KLHL22: variants seen among roughly 807,000 people sequenced by gnomAD.
The protein encoded by KLHL22 is kelch like family member 22.
A neutral mutation model predicts 60.7 loss-of-function variants in KLHL22; 18 were observed. The observed-to-expected ratio is 0.30, with a 90% CI of 0.20 to 0.44. The LOEUF is 0.44. Ranked by LOEUF, KLHL22 falls within the 20% of genes least tolerant of loss-of-function variation. The pLI, the probability that KLHL22 is intolerant of heterozygous loss-of-function variation, is 1.00. For missense variants in KLHL22, 596 were observed against 852.3 expected, an observed-to-expected ratio of 0.70 and a Z score of 3.74; for synonymous variants, 355 against 354.5, an observed-to-expected ratio of 1.00 and a Z score of -0.01.
At chr22:20,480,419 A>G (rs571531275) in intron 2 of KLHL22, among the ~76,000 whole-genome samples, 96 of 152,342 alleles carry the variant, frequency 6.3e-4, no homozygotes, top group African/African-American at 2.2e-3. Context: ...GGACATCGAC[A>G]GCACGGAACA....
chr22:20,489,702 C>T (rs1455723764), intron 1 of KLHL22: 2 of 471,158 alleles, frequency 4.2e-6, no homozygotes, highest in Non-Finnish European at 8.8e-6. Flanking sequence ...AGCTCTTCCT[C>T]CCTCCCATTG....
intron 5 of KLHL22, chr22:20,450,570 A>G: frequency 6.2e-7 from 1 of 1,611,914 alleles, no homozygotes; most frequent in Non-Finnish European, 8.5e-7. Context: ...TTGACCTGAC[A>G]CAAGCAGCTG....
At chr22:20,461,043 C>T (rs1034167781) in intron 4 of KLHL22, among the ~76,000 whole-genome samples, 2 of 152,178 alleles carry the variant, frequency 1.3e-5, no homozygotes, top group Non-Finnish European at 2.9e-5. Context: ...AGGACCTTAC[C>T]GGGACTAAAC....
chr22:20,470,396 T>A (rs1169656760), intron 3 of KLHL22, among the ~76,000 whole-genome samples: 1 of 149,556 alleles, frequency 6.7e-6, no homozygotes, highest in Non-Finnish European at 1.5e-5. Context: ...ACACCTGTAA[T>A]CGCAACACTT....
At position 20,442,201 on chromosome 22, in the gene KLHL22, G is replaced by C; in HGVS notation, c.1777C>G (p.Leu593Val). 2.5e-6 allele frequency: 4 copies of C among 1,597,516 alleles called. No homozygotes were observed. Among genetic ancestry groups the C allele is most frequent in the Non-Finnish European group, 3.4e-6 (4 of 1,170,526 alleles). The change falls in exon 7 of 7, where the codon CTG becomes GTG. Residue 593 changes from leucine (L) to valine (V), a missense_variant. By Grantham distance (32) the Leu-to-Val change is conservative. Transcript: ENST00000328879. Reference protein sequence around the residue: ...ISGLAACVLTLPRSLLLEPPR... With the variant: ...ISGLAACVLTVPRSLLLEPPR... ...GGCTCAAGGAGCAGGGAGCGGGGCAGGGTGAGCACACAGGCCGCCAGGCCT... is the reference window on the plus strand; with the variant it reads ...GGCTCAAGGAGCAGGGAGCGGGGCACGGTGAGCACACAGGCCGCCAGGCCT...
At chr22:20,478,220 T>TC (rs1235825233) in intron 2 of KLHL22, among the ~76,000 whole-genome samples, 2 of 148,662 alleles carry the variant, frequency 1.3e-5, no homozygotes, top group African/African-American at 4.9e-5. Context: ...TTTTTTTTTT[T>TC]CTGAGGCAGA....
At chr22:20,464,386 T>C (rs959572353) in intron 4 of KLHL22, among the ~76,000 whole-genome samples, 5 of 152,082 alleles carry the variant, frequency 3.3e-5, no homozygotes, top group African/African-American at 1.2e-4. Flanking sequence ...TGTTCCACCA[T>C]TAGCAAGCAG....
Position 20,457,832 on chromosome 22 carries a change from TGCCC to T in KLHL22, c.1277_1280del (p.Trp426TyrfsTer34). 1 of 1,606,448 alleles carries T rather than the reference TGCCC, an allele frequency of 6.2e-7. No individual in the cohort carries two copies. The highest frequency in any genetic ancestry group is 8.5e-7 in the Non-Finnish European group (1 of 1,176,390). On this transcript the variant is annotated frameshift_variant, in exon 5 of 7. Coordinates refer to ENST00000328879, the MANE Select transcript of KLHL22 (RefSeq NM_032775.4). LOFTEE classifies it high-confidence loss of function. ...CCTCCCTCTTGAGTGGGGCCACGTA[TGCCC>T]AGGAGTTGGTGGCAGGGTCGTAGCG...
chr22:20,458,368 C>A (rs1434216135), intron 4 of KLHL22, among the ~76,000 whole-genome samples: 1 of 148,426 alleles, frequency 6.7e-6, no homozygotes, highest in African/African-American at 2.5e-5. Context: ...GTAGCCTCGA[C>A]CTCCTGGGCT....
intron 3 of KLHL22, among the ~76,000 whole-genome samples, chr22:20,468,641 T>C (rs2053269075): frequency 1.3e-5 from 2 of 152,192 alleles, no homozygotes; most frequent in African/African-American, 4.8e-5. Context: ...AAACCTGCTA[T>C]AAAACAATAT....
At chr22:20,451,041 G>A (rs1385797153) in intron 5 of KLHL22, 1 of 1,513,404 alleles carries the variant, frequency 6.6e-7, no homozygotes, top group Non-Finnish European at 9.2e-7. Flanking sequence ...AGACTCAGGA[G>A]TGGAGCTTTT....
At chr22:20,471,910 T>C (rs2053333097) in intron 2 of KLHL22, among the ~76,000 whole-genome samples, 1 of 152,206 alleles carries the variant, frequency 6.6e-6, no homozygotes, top group South Asian at 2.1e-4. Flanking sequence ...TTTCATTCAA[T>C]GTATATTTAT....
At chr22:20,473,519 T>C (rs2053360643) in intron 2 of KLHL22, among the ~76,000 whole-genome samples, 1 of 152,208 alleles carries the variant, frequency 6.6e-6, no homozygotes, top group Non-Finnish European at 1.5e-5. Flanking sequence ...AGAGAAGCTA[T>C]TTTTACATTT....
At chr22:20,457,771 T>G (rs746568754) in intron 5 of KLHL22, 37 bp downstream of exon 5, 282 of 1,506,730 alleles carry the variant, frequency 1.9e-4, no homozygotes, top group Non-Finnish European at 2.3e-4. Context: ...GGAAGGAAAT[T>G]AGGCAGGAGA....
chr22:20,460,695 T>A (rs1321455026), intron 4 of KLHL22, among the ~76,000 whole-genome samples: 1 of 149,144 alleles, frequency 6.7e-6, no homozygotes, highest in Admixed American at 6.7e-5. Context: ...ATAGCCAAAG[T>A]TACACTGATT....
At chr22:20,456,835 TG>T (rs34860834) in intron 5 of KLHL22, among the ~76,000 whole-genome samples, 9,870 of 152,162 alleles carry the variant, frequency 0.065, 819 homozygotes, top group East Asian at 0.46. Context: ...CTGGGGGAAT[TG>T]GGGGTCATGA....
At chr22:20,457,773 G>A (rs763472308) in intron 5 of KLHL22, 35 bp downstream of exon 5, 5 of 1,512,906 alleles carry the variant, frequency 3.3e-6, no homozygotes, top group Non-Finnish European at 4.5e-6. Flanking sequence ...AAGGAAATTA[G>A]GCAGGAGAAG....
chr22:20,462,821 GA>G (rs1356278054), intron 4 of KLHL22, among the ~76,000 whole-genome samples: 43 of 152,102 alleles, frequency 2.8e-4, no homozygotes, highest in Admixed American at 9.8e-4. Context: ...GAATGAAAGA[GA>G]AAAAGTAGTA....
intron 2 of KLHL22, among the ~76,000 whole-genome samples, chr22:20,478,205 A>ATTT (rs68060846): frequency 2.8e-5 from 4 of 144,662 alleles, no homozygotes; most frequent in Admixed American, 7.0e-5. Flanking sequence ...ACCAAATTTA[A>ATTT]TTTTTTTTTT....
Sources: gnomAD v4.1 joint callset for allele counts (sites outside exome capture counted in the v4.1 genomes callset) on GRCh38, gnomAD v4.1.1 for gene constraint, MANE v1.5 for transcripts, NCBI Gene and HGNC (gene_info 2026-07-23, HGNC 2026-07-21) for gene names.